RMP64: variants seen among roughly 807,000 people sequenced by gnomAD.
The protein encoded by RMP64 is nucleolus and neural progenitor protein.
the RMP64 span, among the ~76,000 whole-genome samples, chr3:113,011,837 T>C: frequency 1.3e-5 from 2 of 152,166 alleles, no homozygotes; most frequent in African/African-American, 4.8e-5. Context: ...AGGTTTAGCA[T>C]TTTAAAATAA....
At chr3:113,014,577 G>C in the RMP64 span, 1 of 152,018 alleles carries the variant, frequency 6.6e-6, no homozygotes, top group Non-Finnish European at 1.5e-5. Context: ...GGATGGTCTC[G>C]ATCTGGACCT....
At chr3:113,011,911 T>C in the RMP64 span, among the ~76,000 whole-genome samples, 9 of 152,162 alleles carry the variant, frequency 5.9e-5, no homozygotes, top group Non-Finnish European at 1.0e-4. Flanking sequence ...AATAAAACAA[T>C]AGGAAATACT....
chr3:113,018,443 G>C, the RMP64 span, among the ~76,000 whole-genome samples: 3 of 152,212 alleles, frequency 2.0e-5, no homozygotes, highest in Non-Finnish European at 2.9e-5. Context: ...AGGAAGGATA[G>C]ATGGGATAAT....
chr3:113,019,616 G>C, the RMP64 span: 1 of 1,613,810 alleles, frequency 6.2e-7, no homozygotes, highest in Non-Finnish European at 8.5e-7. Context: ...ACGGTTCCAC[G>C]GCTCCAGGCC....
the RMP64 span, chr3:113,013,806 C>A: frequency 1.5e-6 from 1 of 675,718 alleles, no homozygotes; most frequent in Non-Finnish European, 2.7e-6. Context: ...CCACAAACAC[C>A]AGGTACCCCA....
the RMP64 span, among the ~76,000 whole-genome samples, chr3:113,018,393 T>C: frequency 2.0e-5 from 3 of 152,186 alleles, no homozygotes; most frequent in Admixed American, 6.5e-5. Context: ...TAAAGAATTT[T>C]TGAATAGAGA....
At chr3:113,013,447 A>T in the RMP64 span, 1 of 1,496,222 alleles carries the variant, frequency 6.7e-7, no homozygotes, top group Non-Finnish European at 8.9e-7. Context: ...CTTAAAAAAA[A>T]AGGGTTTTTT....
the RMP64 span, chr3:113,011,441 G>A: frequency 1.3e-6 from 2 of 1,519,306 alleles, no homozygotes; most frequent in Non-Finnish European, 1.8e-6. Context: ...TAATTAGCCA[G>A]TAATTACAAT....
chr3:113,005,493 T>C, the RMP64 span: 1 of 1,272,852 alleles, frequency 7.9e-7, no homozygotes, highest in Non-Finnish European at 1.1e-6. Context: ...AACACTGAAC[T>C]AGCCTTGTTA....
At chr3:113,004,357 A>C in the RMP64 span, 2 of 152,296 alleles carry the variant, frequency 1.3e-5, no homozygotes, top group South Asian at 4.1e-4. Flanking sequence ...TTAGCAACCC[A>C]CCAGGTGATT....
At chr3:113,011,425 G>A in the RMP64 span, 1 of 1,535,364 alleles carries the variant, frequency 6.5e-7, no homozygotes, top group Non-Finnish European at 8.7e-7. Flanking sequence ...AGAAATAGGA[G>A]CTCATTAATT....
chr3:113,013,547 C>A, the RMP64 span: 1 of 726,278 alleles, frequency 1.4e-6, no homozygotes, highest in Non-Finnish European at 2.2e-6. Context: ...CAAGGTATGG[C>A]AGAAGAAGCA....
the RMP64 span, among the ~76,000 whole-genome samples, chr3:113,006,312 C>T: frequency 5.9e-5 from 9 of 152,186 alleles, no homozygotes; most frequent in Non-Finnish European, 1.0e-4. Flanking sequence ...TCCCTCATAA[C>T]TGCTAATCTG....
At chr3:113,005,809 C>A in the RMP64 span, 5 of 1,613,868 alleles carry the variant, frequency 3.1e-6, no homozygotes, top group African/African-American at 2.7e-5. Flanking sequence ...TAGCACTCTT[C>A]CGAGTCCCTT....
At chr3:113,013,417 G>T in the RMP64 span, 2 of 1,458,854 alleles carry the variant, frequency 1.4e-6, no homozygotes, top group Non-Finnish European at 1.9e-6. Context: ...GAAAAAAATA[G>T]AAAAAGTACA....
the RMP64 span, among the ~76,000 whole-genome samples, chr3:113,013,640 A>G: frequency 6.6e-6 from 1 of 152,170 alleles, no homozygotes; most frequent in African/African-American, 2.4e-5. Context: ...TTAAATATAA[A>G]GCATTTCTAT....
At chr3:113,004,529 A>T in the RMP64 span, 1 of 152,330 alleles carries the variant, frequency 6.6e-6, no homozygotes, top group East Asian at 1.9e-4. Flanking sequence ...CTAAGGTACT[A>T]CTTTCTTTTT....
chr3:113,014,797 A>C, the RMP64 span: 1 of 151,996 alleles, frequency 6.6e-6, no homozygotes, highest in African/African-American at 2.4e-5. Flanking sequence ...GATTAGATGA[A>C]GCTTGTTCTT....
At chr3:113,016,219 C>A in the RMP64 span, among the ~76,000 whole-genome samples, 2 of 151,884 alleles carry the variant, frequency 1.3e-5, no homozygotes, top group African/African-American at 4.8e-5. Context: ...CAATGGAGAA[C>A]GACTAAAAAT....
Sources: gnomAD v4.1 joint callset for allele counts (sites outside exome capture counted in the v4.1 genomes callset) on GRCh38, gnomAD v4.1.1 for gene constraint, MANE v1.5 for transcripts, NCBI Gene and HGNC (gene_info 2026-07-23, HGNC 2026-07-21) for gene names.